The following PTPRD variants were observed in gnomAD, a reference collection of about 807,000 sequenced individuals.
PTPRD encodes the protein receptor-type tyrosine-protein phosphatase delta.
In PTPRD, 34 loss-of-function variants were observed where a neutral mutation model predicts 214.5. That is an observed-to-expected ratio of 0.16 (90% CI 0.12 to 0.21). PTPRD has a LOEUF of 0.21. PTPRD is among the 10% of genes least tolerant of loss of function. The pLI is 1.00. For synonymous variants in PTPRD, 1,128 were observed against 845.7 expected, an observed-to-expected ratio of 1.33 and a Z score of -5.79; for missense variants, 2,545 against 2,398.7, an observed-to-expected ratio of 1.06 and a Z score of -1.27.
intron 4 of PTPRD, among the ~76,000 whole-genome samples, 189 bp downstream of exon 4, chr9:10,033,529 C>T (rs1366565087): frequency 6.6e-6 from 1 of 151,774 alleles, no homozygotes; most frequent in Non-Finnish European, 1.5e-5. Context: ...TAATATCACT[C>T]CTATTACTAG....
At chr9:10,605,648 G>T (rs897410765) in intron 2 of PTPRD, among the ~76,000 whole-genome samples, 1 of 151,826 alleles carries the variant, frequency 6.6e-6, no homozygotes, top group African/African-American at 2.4e-5. Flanking sequence ...GGTAAGTGTA[G>T]ATACGTATCT....
chr9:10,243,773 A>T (rs139837690), intron 3 of PTPRD, among the ~76,000 whole-genome samples: 2 of 151,888 alleles, frequency 1.3e-5, no homozygotes, highest in Non-Finnish European at 2.9e-5. Context: ...CAAGCCTCCT[A>T]TTTCACCAGT....
chr9:9,006,521 T>G (rs1192335092), intron 11 of PTPRD, among the ~76,000 whole-genome samples: 2 of 152,066 alleles, frequency 1.3e-5, no homozygotes, highest in African/African-American at 4.8e-5. Context: ...GACTTCTTCT[T>G]AAAATGGAGA....
At chr9:10,227,158 A>AT (rs2099591567) in intron 3 of PTPRD, among the ~76,000 whole-genome samples, 1 of 151,952 alleles carries the variant, frequency 6.6e-6, no homozygotes, top group Non-Finnish European at 1.5e-5. Context: ...AGCTGCAGGT[A>AT]TTTTTCACGT....
At chr9:8,858,580 G>A (rs1426712684) in intron 11 of PTPRD, among the ~76,000 whole-genome samples, 1 of 152,148 alleles carries the variant, frequency 6.6e-6, no homozygotes, top group African/African-American at 2.4e-5. Flanking sequence ...TCCTCGTAAC[G>A]TGCTGGGGAT....
intron 27 of PTPRD, among the ~76,000 whole-genome samples, chr9:8,491,375 A>G (rs898533804): frequency 1.3e-5 from 2 of 152,172 alleles, no homozygotes; most frequent in South Asian, 4.1e-4. Flanking sequence ...TAAAATTCAT[A>G]TTCCTCGGCT....
chr9:10,486,041 C>A (rs1393249495), intron 2 of PTPRD, among the ~76,000 whole-genome samples: 1 of 145,168 alleles, frequency 6.9e-6, no homozygotes, highest in South Asian at 2.1e-4. Flanking sequence ...TTTTTTTTTT[C>A]TTGTAAATTT....
At chr9:9,558,207 G>C (rs2082012515) in intron 8 of PTPRD, among the ~76,000 whole-genome samples, 1 of 152,194 alleles carries the variant, frequency 6.6e-6, no homozygotes, top group African/African-American at 2.4e-5. Flanking sequence ...AAGCAAGCCT[G>C]TACAGTGTTA....
chr9:9,385,898 T>C (rs149641646), intron 9 of PTPRD, among the ~76,000 whole-genome samples: 4 of 152,166 alleles, frequency 2.6e-5, no homozygotes, highest in African/African-American at 4.8e-5. Flanking sequence ...TCCAGTCTTA[T>C]GTTCTTTTAA....
intron 5 of PTPRD, among the ~76,000 whole-genome samples, chr9:9,884,609 T>C (rs766265696): frequency 1.3e-5 from 2 of 152,164 alleles, no homozygotes; most frequent in Non-Finnish European, 2.9e-5. Flanking sequence ...AGGAGTGATA[T>C]GGTTTGGCTG....
intron 11 of PTPRD, among the ~76,000 whole-genome samples, chr9:8,799,464 G>C (rs114758448): frequency 6.6e-6 from 1 of 152,150 alleles, no homozygotes; most frequent in Non-Finnish European, 1.5e-5. Flanking sequence ...AAATACATCA[G>C]CCTAATAAAA....
intron 8 of PTPRD, among the ~76,000 whole-genome samples, chr9:9,450,258 C>G (rs2091772829): frequency 6.6e-6 from 1 of 151,826 alleles, no homozygotes; most frequent in African/African-American, 2.4e-5. Flanking sequence ...TGTATAATGA[C>G]TTCTTTTCCT....
rs1010822128 is a variant in PTPRD, at chr9:8,665,416, GAA to G, written c.65-28574_65-28573del. Among the ~76,000 whole-genome samples the G allele has an allele frequency of 7.2e-5, 11 of 152,262 alleles. No homozygotes were observed. The South Asian group carries it at 1.0e-3, about 14-fold the overall frequency. On this transcript the variant is annotated intron_variant, in intron 12 of 45. Coordinates refer to ENST00000381196, the MANE Select transcript of PTPRD (RefSeq NM_002839.4). ...TTTAATGTAATTACTTCAAAACAGA[GAA>G]AAGAATTAAAAGGCAGGGTTTTTTG...
chr9:10,022,948 T>G (rs1267151367), intron 4 of PTPRD, among the ~76,000 whole-genome samples: 1 of 152,228 alleles, frequency 6.6e-6, no homozygotes, highest in South Asian at 2.1e-4. Context: ...CATCTTATAC[T>G]GGCTTTATAT....
chr9:9,834,254 G>T (rs1407114971), intron 5 of PTPRD, among the ~76,000 whole-genome samples: 1 of 151,824 alleles, frequency 6.6e-6, no homozygotes, highest in Admixed American at 6.6e-5. Flanking sequence ...TAAATCACAG[G>T]TACTACTATT....
intron 2 of PTPRD, among the ~76,000 whole-genome samples, chr9:10,507,478 C>A (rs1247629451): frequency 6.6e-6 from 1 of 152,106 alleles, no homozygotes; most frequent in Non-Finnish European, 1.5e-5. Context: ...CAAAAAATAG[C>A]CCGCATTGCC....
intron 8 of PTPRD, among the ~76,000 whole-genome samples, chr9:9,519,307 T>A: frequency 6.6e-6 from 1 of 151,054 alleles, no homozygotes; most frequent in Non-Finnish European, 1.5e-5. Flanking sequence ...AAAATCAGTG[T>A]AATAAACTAT....
chr9:9,125,073 C>G (rs2099826602), intron 10 of PTPRD, among the ~76,000 whole-genome samples: 1 of 152,132 alleles, frequency 6.6e-6, no homozygotes, highest in Admixed American at 6.6e-5. Context: ...CCTTAAGCTT[C>G]TCAGTCTAAC....
At chr9:9,268,271 TA>T (rs1199030923) in intron 9 of PTPRD, among the ~76,000 whole-genome samples, 1 of 151,004 alleles carries the variant, frequency 6.6e-6, no homozygotes, top group Non-Finnish European at 1.5e-5. Flanking sequence ...ACAACAGCAT[TA>T]AAAGAATAAA....
Sources: gnomAD v4.1 joint callset for allele counts (sites outside exome capture counted in the v4.1 genomes callset) on GRCh38, gnomAD v4.1.1 for gene constraint, MANE v1.5 for transcripts, NCBI Gene and HGNC (gene_info 2026-07-23, HGNC 2026-07-21) for gene names.